Variants in HBP1 observed in about 807,000 individuals in gnomAD.
HBP1 encodes the protein HMG-box transcription factor 1.
Under a neutral mutation model 62.6 loss-of-function variants are expected in HBP1, and 20 were observed. The ratio of observed to expected loss-of-function variants is 0.32; its 90% confidence interval spans 0.22 to 0.46. The LOEUF (loss-of-function observed/expected upper bound fraction) is 0.46. HBP1 is among the 20% of genes least tolerant of loss of function. The pLI is 1.00. For missense variants in HBP1, 480 were observed against 611.8 expected, an observed-to-expected ratio of 0.78 and a Z score of 2.27; for synonymous variants, 232 against 206.2, an observed-to-expected ratio of 1.12 and a Z score of -1.07.
rs762481914 is a variant in HBP1, at chr7:107,179,945, C to G, written c.52C>G (p.Leu18Val). 6.2e-7 allele frequency: 1 copy of G among 1,611,074 alleles called. No individual in the cohort carries two copies. Among genetic ancestry groups the G allele is most frequent in the Non-Finnish European group, 8.5e-7 (1 of 1,177,532 alleles). Residue 18 changes from leucine to valine, a missense_variant, in exon 2 of 11, where the codon CTG becomes GTG. By Grantham distance (32) the Leu-to-Val change is conservative. This residue lies in a region of HBP1 where 304 missense variants were observed against 330.9 expected (regional missense o/e 0.92). Transcript: ENST00000222574. ...GATGCCTAATGCAGTACAGAAACTC[C>G]TGTTGGTGATGGACAAGAGAGCCTC... ...NQMPNAVQKLLLVMDKRASGM... is the reference protein window; with the variant it reads ...NQMPNAVQKLVLVMDKRASGM...
intron 8 of HBP1, among the ~76,000 whole-genome samples, chr7:107,194,786 T>C (rs981851434): frequency 3.9e-5 from 6 of 152,196 alleles, no homozygotes; most frequent in Admixed American, 2.0e-4. Flanking sequence ...GCCAAGAAGA[T>C]AGAAAAGTAC....
At chr7:107,191,533 A>G (rs1346414318) in intron 8 of HBP1, among the ~76,000 whole-genome samples, 1 of 152,126 alleles carries the variant, frequency 6.6e-6, no homozygotes, top group Non-Finnish European at 1.5e-5. Context: ...GCTCAAGGAG[A>G]TGGTGCAAGT....
intron 9 of HBP1, chr7:107,196,692 T>TA (rs1173359108): frequency 1.1e-5 from 2 of 174,322 alleles, no homozygotes; most frequent in African/African-American, 4.8e-5. Flanking sequence ...ATTTGTGCCA[T>TA]AGCCCAGGCT....
Position 107,169,153 on chromosome 7 carries a change from G to GC in HBP1, c.-45dup. ...TGGTGGTGTTGTCGTGGCCGGAGCG[G>GC]CCCGCGCCTGGGCTGCCGGCACTTC... On this transcript the variant is annotated 5_prime_UTR_variant, in exon 1 of 11. Transcript: ENST00000222574. 8.6e-7 allele frequency: 1 copy of GC among 1,169,104 alleles called. No individual in the cohort carries two copies. Among genetic ancestry groups the GC allele is most frequent in the East Asian group, 7.5e-5 (1 of 13,330 alleles). 72.4% of individuals were successfully genotyped at this position (1,169,104 alleles called of 1,614,324 possible). A position where few individuals can be genotyped will look rare whatever the true frequency, so the allele number is the denominator to read the frequency against.
chr7:107,172,399 T>G (rs755006973), intron 1 of HBP1, among the ~76,000 whole-genome samples: 3 of 152,112 alleles, frequency 2.0e-5, no homozygotes, highest in African/African-American at 4.8e-5. Context: ...TGGAGAAAAT[T>G]ATGTTTCTAG....
At chr7:107,169,830 C>T (rs1162451078) in intron 1 of HBP1, 2 of 983,550 alleles carry the variant, frequency 2.0e-6, no homozygotes, top group Non-Finnish European at 2.4e-6. Context: ...GAGGGGAACG[C>T]GATGAATGGC....
chr7:107,170,993 AATATATAAC>A (rs1796536153), intron 1 of HBP1, among the ~76,000 whole-genome samples: 1 of 145,052 alleles, frequency 6.9e-6, no homozygotes. Context: ...ATATATATAA[AATATATAAC>A]ATATACATGT....
intron 9 of HBP1, among the ~76,000 whole-genome samples, chr7:107,198,651 T>G (rs1249136955): frequency 2.0e-5 from 3 of 151,840 alleles, no homozygotes; most frequent in Non-Finnish European, 4.4e-5. Context: ...GATTCTTCAC[T>G]GTCTCTAATA....
chr7:107,192,094 A>G (rs998373780), intron 8 of HBP1, among the ~76,000 whole-genome samples: 1 of 152,038 alleles, frequency 6.6e-6, no homozygotes, highest in Non-Finnish European at 1.5e-5. Context: ...CTCCCAGGGA[A>G]GCTTGTTAGG....
intron 8 of HBP1, 22 bp from the exon 9 acceptor site, chr7:107,195,812 A>T: frequency 9.1e-7 from 1 of 1,094,642 alleles, no homozygotes; most frequent in Non-Finnish European, 1.2e-6. Flanking sequence ...TTAAAATATT[A>T]TTATTTTTTT....
At chr7:107,178,065 G>C (rs535343587) in intron 1 of HBP1, among the ~76,000 whole-genome samples, 1 of 152,242 alleles carries the variant, frequency 6.6e-6, no homozygotes, top group South Asian at 2.1e-4. Flanking sequence ...CCTGCACTGG[G>C]TGCTTGACTT....
At chr7:107,193,411 T>C (rs1471855576) in intron 8 of HBP1, 1 of 152,204 alleles carries the variant, frequency 6.6e-6, no homozygotes, top group African/African-American at 2.4e-5. Context: ...TTTTGAGTTC[T>C]CTAGCTACTC....
intron 9 of HBP1, 104 bp downstream of exon 9, chr7:107,196,255 C>A: frequency 1.3e-6 from 1 of 790,706 alleles, no homozygotes; most frequent in African/African-American, 1.7e-5. Flanking sequence ...AGCTTTTATT[C>A]AACTCTTAGG....
rs1206348678 is a variant in HBP1 at position 107,200,608 on chromosome 7, TA to T, written c.1527+308del. 4 of 208,422 alleles carry T rather than the reference TA, an allele frequency of 1.9e-5. No homozygotes were observed. In the East Asian group the frequency reaches 4.4e-4, roughly 23 times the overall value. The allele number at this position is 208,422 out of a possible 1,614,324, so 12.9% of individuals were successfully genotyped here. A position where few individuals can be genotyped will look rare whatever the true frequency, so the allele number is the denominator to read the frequency against. ...TCTAGTTGGGTTGAAAGATAAGCAT[TA>T]TTAATCCATTAATATCACAGTAGAA... On this transcript the variant is annotated intron_variant, in intron 10 of 10. Coordinates refer to ENST00000222574, the MANE Select transcript of HBP1 (RefSeq NM_012257.4).
At position 107,179,883 on chromosome 7, in the gene HBP1, A is replaced by G. The variant is rs757473131; in HGVS notation, c.-11A>G. On this transcript the variant is annotated 5_prime_UTR_variant, in exon 2 of 11. Coordinates refer to ENST00000222574, the MANE Select transcript of HBP1 (RefSeq NM_012257.4). ...TAATGTCGTTTTTATTTTAAGTCAG[A>G]GCACCATAACATGGTGTGGGAAGTG... 6 of 1,553,376 alleles carry G rather than the reference A, an allele frequency of 3.9e-6. No homozygotes were observed. In the Admixed American group the frequency reaches 6.8e-5, roughly 18 times the overall value.
chr7:107,201,693 G>A lies in HBP1; in HGVS notation c.*262G>A. 1 of 360,640 alleles carries A rather than the reference G, an allele frequency of 2.8e-6. No homozygotes were observed. The highest frequency in any genetic ancestry group is 5.0e-6 in the Non-Finnish European group (1 of 200,304). 22.3% of individuals were successfully genotyped at this position (360,640 alleles called of 1,614,324 possible). On this transcript the variant is annotated 3_prime_UTR_variant, in exon 11 of 11. Coordinates refer to ENST00000222574, the MANE Select transcript of HBP1 (RefSeq NM_012257.4). The stretch of plus-strand genomic sequence containing the variant: ...CATATATGTCTATCAGGTAATAATA[G>A]GCTTGAAAATTGATATCCTGTGGTG...
Position 107,196,135 on chromosome 7 carries a change from C to T in HBP1, c.1369C>T (p.Pro457Ser). 1 of 1,588,356 alleles carries T rather than the reference C, an allele frequency of 6.3e-7. No homozygotes were observed. Among genetic ancestry groups the T allele is most frequent in the Non-Finnish European group, 8.6e-7 (1 of 1,157,000 alleles). Residue 457 changes from proline (P) to serine (S), a missense_variant, in exon 9 of 11, where the codon CCA (proline) becomes TCA (serine). Transcript: ENST00000222574. ...CAGAGTTGAATATACTCAGATGTATCCAGGGAAAGATAACAGGTAAAAATA... is the reference window on the plus strand; with the variant it reads ...CAGAGTTGAATATACTCAGATGTATTCAGGGAAAGATAACAGGTAAAAATA... ...KYRVEYTQMY[P>S]GKDNRAISVI...
At chr7:107,182,340 C>T in intron 2 of HBP1, 33 bp from the exon 3 acceptor site, 1 of 1,194,722 alleles carries the variant, frequency 8.4e-7, no homozygotes. Flanking sequence ...TTAGTAATTT[C>T]CTTTTTATGA....
intron 9 of HBP1, among the ~76,000 whole-genome samples, chr7:107,199,813 G>GT (rs759905285): frequency 7.2e-5 from 11 of 152,280 alleles, no homozygotes; most frequent in Non-Finnish European, 1.3e-4. Context: ...GGTTTATTTG[G>GT]TTTTCTCTTG....
Sources: allele counts gnomAD v4.1 joint callset (sites outside exome capture counted in the v4.1 genomes callset), GRCh38; gene constraint gnomAD v4.1.1; regional missense constraint gnomAD v4.1.1; transcripts MANE v1.5; gene names NCBI Gene and HGNC (gene_info 2026-07-23, HGNC 2026-07-21).